The following ZNF608 variants were observed in gnomAD, a reference collection of about 807,000 sequenced individuals.
ZNF608 encodes zinc finger protein 608, also known as renal carcinoma antigen NY-REN-36.
ZNF608 carries 12 observed loss-of-function variants against 109.0 expected under a neutral mutation model. The observed-to-expected ratio is 0.11, with a 90% CI of 0.07 to 0.18. ZNF608 has a LOEUF of 0.18. ZNF608 is among the 10% of genes least tolerant of loss of function. ZNF608 has a pLI of 1.00. For missense variants in ZNF608, 1,707 were observed against 1,879.3 expected, an observed-to-expected ratio of 0.91 and a Z score of 1.70; for synonymous variants, 732 against 717.4, an observed-to-expected ratio of 1.02 and a Z score of -0.33.
chr5:124,642,839 C>T (rs1433746520), intron 7 of ZNF608, among the ~76,000 whole-genome samples: 3 of 151,762 alleles, frequency 2.0e-5, no homozygotes, highest in African/African-American at 7.3e-5. Context: ...ACTTGGATTA[C>T]AGGTGCCCAC....
chr5:124,691,117 C>T (rs892101904), intron 3 of ZNF608, among the ~76,000 whole-genome samples: 2 of 152,106 alleles, frequency 1.3e-5, no homozygotes, highest in East Asian at 1.9e-4. Context: ...GTGAGACCCC[C>T]GTCTCAGCCA....
chr5:124,650,906 G>A (rs1006706843), intron 3 of ZNF608, among the ~76,000 whole-genome samples: 10 of 152,192 alleles, frequency 6.6e-5, no homozygotes, highest in African/African-American at 2.2e-4. Flanking sequence ...ACCTGACAAG[G>A]TAAGACTCAT....
In ZNF608 at chr5:124,746,466, C is replaced by T. The variant is rs939161350; in HGVS notation, c.-455G>A. ...ATGTTTCACATTCACAACAGAAGCA[C>T]CAAAGGTTTTTTTTTCCTCTTAACA... On this transcript the variant is annotated 5_prime_UTR_variant, in exon 1 of 10. It adds an upstream start codon to the 5' untranslated region. Transcript: ENST00000513986. 5 of 984,992 alleles carry T rather than the reference C, an allele frequency of 5.1e-6. No homozygotes were observed. Among genetic ancestry groups the T allele is most frequent in the Non-Finnish European group, 6.0e-6 (5 of 829,872 alleles). The allele number at this position is 984,992 out of a possible 1,614,324, so 61.0% of individuals were successfully genotyped here.
At chr5:124,711,746 G>C (rs933494772) in intron 2 of ZNF608, among the ~76,000 whole-genome samples, 2 of 152,226 alleles carry the variant, frequency 1.3e-5, no homozygotes, top group African/African-American at 2.4e-5. Context: ...TAAGCCCAGG[G>C]CATTGTGGGA....
At chr5:124,651,344 A>C (rs1435217836) in intron 3 of ZNF608, among the ~76,000 whole-genome samples, 1 of 152,206 alleles carries the variant, frequency 6.6e-6, no homozygotes, top group Non-Finnish European at 1.5e-5. Context: ...GAGGAGGCAA[A>C]GGGGAAGACT....
At chr5:124,679,537 AAG>A (rs2149823007) in intron 3 of ZNF608, among the ~76,000 whole-genome samples, 3 of 152,248 alleles carry the variant, frequency 2.0e-5, no homozygotes, top group African/African-American at 7.2e-5. Flanking sequence ...ATACATGGAC[AAG>A]AGAGAGAAAA....
chr5:124,655,538 G>C (rs1473679373), intron 3 of ZNF608, among the ~76,000 whole-genome samples: 1 of 152,122 alleles, frequency 6.6e-6, no homozygotes, highest in African/African-American at 2.4e-5. Context: ...CATGCCATAT[G>C]CCTTTAAAAA....
In ZNF608 at chr5:124,637,612, A is replaced by G. The variant is rs1750034492; in HGVS notation, c.*288T>C. The G allele has an allele frequency of 6.0e-6, 1 of 166,956 alleles. No individual in the cohort carries two copies. The allele number at this position is 166,956 out of a possible 1,614,324, so 10.3% of individuals were successfully genotyped here. On this transcript the variant is annotated 3_prime_UTR_variant, in exon 10 of 10. Transcript: ENST00000513986. ...TGAGTGGTTTGCGACGTGGCAGCAG[A>G]CCCTGTGTGTGCGAGCCTGGTTACT...
In ZNF608 at chr5:124,643,758, T is replaced by C. The variant is rs1430113386; in HGVS notation, c.4124-75A>G. On this transcript the variant is annotated intron_variant, in intron 6 of 9. Transcript: ENST00000513986. ...AAAAAATCATTTGGGTTACATGAAT[T>C]TGGGATAAGAGTCAAAGAGATCTTA... is the stretch of plus-strand genomic sequence containing the variant. 4 of 1,499,644 alleles carry C rather than the reference T, an allele frequency of 2.7e-6. No individual in the cohort carries two copies. The African/African-American group carries it at 4.2e-5, about 16-fold the overall frequency. The allele number at this position is 1,499,644 out of a possible 1,614,324, so 92.9% of individuals were successfully genotyped here.
rs751909843 is a variant in ZNF608, at chr5:124,644,557, A to G, written c.3810T>C (p.Ser1270=). Residue 1270 remains serine, a synonymous_variant, in exon 6 of 10, where the codon AGT becomes AGC. Coordinates refer to ENST00000513986, the MANE Select transcript of ZNF608 (RefSeq NM_020747.3). ...TCTCTTTATTAGGAGTTTTCCTCGG[A>G]CTATCCTCTTTTAATTTCTTCTCTC... The part of the protein sequence containing the change: ...LDREKKLKED[S]PRKTPNKESG... The G allele has an allele frequency of 9.3e-6, 15 of 1,613,938 alleles. No homozygotes were observed. The highest frequency in any genetic ancestry group is 1.3e-5 in the Non-Finnish European group (15 of 1,179,992).
chr5:124,668,339 G>A (rs138010363), intron 3 of ZNF608, among the ~76,000 whole-genome samples: 1 of 150,408 alleles, frequency 6.6e-6, no homozygotes, highest in Non-Finnish European at 1.5e-5. Context: ...GGTGACTGAG[G>A]TTGCAGTGAG....
chr5:124,741,500 T>A (rs1439045327), intron 2 of ZNF608, among the ~76,000 whole-genome samples: 1 of 150,910 alleles, frequency 6.6e-6, no homozygotes, highest in African/African-American at 2.4e-5. Context: ...AAATTAATAA[T>A]CTTCACTCTC....
chr5:124,709,198 A>AAAAAAAAAAAAAC (rs5871101), intron 2 of ZNF608, among the ~76,000 whole-genome samples: 2 of 149,620 alleles, frequency 1.3e-5, no homozygotes, highest in Non-Finnish European at 3.0e-5. Flanking sequence ...AAAAAAAAAA[A>AAAAAAAAAAAAAC]TCTGGGTTCT....
At chr5:124,682,417 C>T (rs968236728) in intron 3 of ZNF608, among the ~76,000 whole-genome samples, 8 of 152,150 alleles carry the variant, frequency 5.3e-5, no homozygotes, top group South Asian at 2.1e-4. Flanking sequence ...ATGTGCACCA[C>T]GAAAATGAAG....
intron 2 of ZNF608, among the ~76,000 whole-genome samples, chr5:124,722,619 A>ACACG (rs1753978794): frequency 7.0e-6 from 1 of 143,002 alleles, no homozygotes; most frequent in Admixed American, 7.1e-5. Flanking sequence ...ACACACACAC[A>ACACG]CGCAAGAAAT....
intron 3 of ZNF608, among the ~76,000 whole-genome samples, chr5:124,665,261 GA>G (rs1460737870): frequency 6.6e-6 from 1 of 151,722 alleles, no homozygotes; most frequent in Non-Finnish European, 1.5e-5. Context: ...AATCACCAAA[GA>G]AAACAGCAAA....
intron 2 of ZNF608, among the ~76,000 whole-genome samples, chr5:124,705,829 C>T (rs1196771982): frequency 6.6e-6 from 1 of 152,142 alleles, no homozygotes; most frequent in Non-Finnish European, 1.5e-5. Context: ...ACAGAATCTC[C>T]TCCTCCTAAT....
intron 3 of ZNF608, among the ~76,000 whole-genome samples, chr5:124,669,332 G>C (rs570977524): frequency 1.3e-5 from 2 of 152,220 alleles, no homozygotes; most frequent in East Asian, 1.9e-4. Context: ...GCTGAAAGGT[G>C]GGGGGCTGCA....
Position 124,648,595 on chromosome 5 carries a change from C to G in ZNF608, c.1789G>C (p.Asp597His). ...ACATTACTCAATCCTTCCTCACAGT[C>G]CGAGATCTTGTCCTCACTGTCAGGC... ...FEPDSEDKISDCEEGLSNVAL... is the reference protein window; with the variant it reads ...FEPDSEDKISHCEEGLSNVAL... Residue 597 changes from aspartate to histidine, a missense_variant, in exon 5 of 10, where the codon GAC becomes CAC. By Grantham distance (81) the Asp-to-His change is moderately conservative (BLOSUM62 -1). Coordinates refer to ENST00000513986, the MANE Select transcript of ZNF608 (RefSeq NM_020747.3). The G allele has an allele frequency of 1.2e-6, 2 of 1,614,240 alleles. No individual in the cohort carries two copies. Among genetic ancestry groups the G allele is most frequent in the Non-Finnish European group, 1.7e-6 (2 of 1,180,048 alleles).
Sources: allele counts gnomAD v4.1 joint callset (sites outside exome capture counted in the v4.1 genomes callset), GRCh38; gene constraint gnomAD v4.1.1; transcripts MANE v1.5; gene names NCBI Gene and HGNC (gene_info 2026-07-23, HGNC 2026-07-21).